Variants in NCALD observed in about 807,000 individuals in gnomAD.
NCALD encodes neurocalcin delta.
Under a neutral mutation model 18.6 loss-of-function variants are expected in NCALD, and 10 were observed. The ratio of observed to expected loss-of-function variants is 0.54; its 90% CI spans 0.33 to 0.91. The LOEUF (loss-of-function observed/expected upper bound fraction) is 0.91. Ranked by LOEUF, NCALD falls within the 40% of genes least tolerant of loss-of-function variation. The probability of loss-of-function intolerance (pLI) is 0.03; values close to 1 mark genes in which losing one functional copy is unlikely to be tolerated. For synonymous variants in NCALD, 88 were observed against 87.4 expected, an observed-to-expected ratio of 1.01 and a Z score of -0.04; for missense variants, 184 against 247.6, an observed-to-expected ratio of 0.74 and a Z score of 1.72.
intron 1 of NCALD, among the ~76,000 whole-genome samples, chr8:101,781,783 T>A (rs550115642): frequency 1.2e-4 from 19 of 152,228 alleles, no homozygotes; most frequent in African/African-American, 4.3e-4. Context: ...ACCCAGGGAT[T>A]TGTTTTCTAT....
At chr8:101,919,418 A>G (rs1291927725) in intron 2 of NCALD, among the ~76,000 whole-genome samples, 2 of 152,208 alleles carry the variant, frequency 1.3e-5, no homozygotes, top group African/African-American at 2.4e-5. Flanking sequence ...ACCTCAAACT[A>G]TAAGAATCCT....
At chr8:102,009,394 A>G (rs1270796388) in intron 2 of NCALD, among the ~76,000 whole-genome samples, 4 of 152,228 alleles carry the variant, frequency 2.6e-5, no homozygotes, top group Non-Finnish European at 5.9e-5. Context: ...CACAAAGTGG[A>G]CCTGCCATTT....
At chr8:101,933,565 T>C (rs997191829) in intron 2 of NCALD, among the ~76,000 whole-genome samples, 5 of 152,208 alleles carry the variant, frequency 3.3e-5, no homozygotes, top group African/African-American at 1.2e-4. Context: ...TGGTGATTTG[T>C]TACAGCAGCA....
At chr8:102,078,209 A>C (rs1824410576) in intron 1 of NCALD, among the ~76,000 whole-genome samples, 1 of 151,992 alleles carries the variant, frequency 6.6e-6, no homozygotes, top group Non-Finnish European at 1.5e-5. Flanking sequence ...CACCATGCCC[A>C]ACTCACCTAC....
intron 1 of NCALD, among the ~76,000 whole-genome samples, chr8:101,748,699 G>A (rs1386114961): frequency 6.6e-6 from 1 of 152,208 alleles, no homozygotes; most frequent in Non-Finnish European, 1.5e-5. Flanking sequence ...GATGAAGGAT[G>A]AGGCACAGAG....
chr8:101,920,730 A>T (rs1440141996), intron 2 of NCALD, among the ~76,000 whole-genome samples: 1 of 152,122 alleles, frequency 6.6e-6, no homozygotes, highest in Non-Finnish European at 1.5e-5. Context: ...CTACTAGAGG[A>T]GAGAGGGAGA....
chr8:102,079,435 T>C (rs890324135), intron 1 of NCALD, among the ~76,000 whole-genome samples: 5 of 152,192 alleles, frequency 3.3e-5, no homozygotes, highest in African/African-American at 1.2e-4. Context: ...TGACATCTGC[T>C]AGCACCTGGC....
At position 101,986,126 on chromosome 8, in the gene NCALD, G is replaced by T. The variant is rs550302669; in HGVS notation, c.-157+34111C>A. Reference sequence around the variant, plus strand: ...GCTCACTGCAACCTCCGCCTCCCAGGTTCAAGCGATTCTCCTGCCTCAGCC... The same window carrying T: ...GCTCACTGCAACCTCCGCCTCCCAGTTTCAAGCGATTCTCCTGCCTCAGCC... On this transcript the variant is annotated intron_variant, in intron 2 of 6. Coordinates refer to the NCALD transcript ENST00000311028. 6.6e-5 allele frequency among the ~76,000 whole-genome samples: 10 copies of T among 152,182 alleles called. No individual in the cohort carries two copies. The East Asian group carries it at 1.9e-3, about 29-fold the overall frequency.
chr8:101,843,303 C>A (rs962016327), intron 4 of NCALD, among the ~76,000 whole-genome samples: 1 of 152,172 alleles, frequency 6.6e-6, no homozygotes, highest in African/African-American at 2.4e-5. Flanking sequence ...GCTGTGGGAA[C>A]TTCTCAAAAA....
At chr8:101,741,290 T>G (rs1810172738) in intron 1 of NCALD, among the ~76,000 whole-genome samples, 1 of 152,236 alleles carries the variant, frequency 6.6e-6, no homozygotes, top group East Asian at 1.9e-4. Flanking sequence ...CTGAATAATG[T>G]GACTTCTGGC....
intron 2 of NCALD, among the ~76,000 whole-genome samples, chr8:101,986,954 G>A (rs924090095): frequency 6.6e-6 from 1 of 152,210 alleles, no homozygotes; most frequent in Admixed American, 6.5e-5. Context: ...TGCCCTGCTA[G>A]ATATGCTGGG....
chr8:102,053,707 T>C (rs1281649106), intron 1 of NCALD, among the ~76,000 whole-genome samples: 2 of 152,224 alleles, frequency 1.3e-5, no homozygotes, highest in Non-Finnish European at 2.9e-5. Context: ...AGTAATCTTT[T>C]AGGATTTCAA....
At chr8:101,695,202 C>T (rs1814934715) in intron 2 of NCALD, among the ~76,000 whole-genome samples, 2 of 152,166 alleles carry the variant, frequency 1.3e-5, no homozygotes, top group African/African-American at 4.8e-5. Flanking sequence ...TAAAGGAGAG[C>T]GCATGGAGCT....
intron 1 of NCALD, among the ~76,000 whole-genome samples, chr8:101,784,932 A>G (rs1326786816): frequency 6.6e-6 from 1 of 151,890 alleles, no homozygotes; most frequent in African/African-American, 2.4e-5. Context: ...CATCATTGAC[A>G]ACAAAACCAA....
intron 4 of NCALD, among the ~76,000 whole-genome samples, chr8:101,827,968 G>A (rs1008523752): frequency 7.2e-5 from 11 of 152,308 alleles, no homozygotes; most frequent in African/African-American, 2.6e-4. Flanking sequence ...GAGGCATTGT[G>A]GTAGGTGCTG....
chr8:101,887,963 G>T (rs754755631), intron 3 of NCALD, among the ~76,000 whole-genome samples: 1 of 152,108 alleles, frequency 6.6e-6, no homozygotes, highest in Non-Finnish European at 1.5e-5. Context: ...CCCTCCTGGC[G>T]CAATAAAAAT....
chr8:102,120,791 C>A (rs989760520), intron 1 of NCALD, among the ~76,000 whole-genome samples: 3 of 152,092 alleles, frequency 2.0e-5, no homozygotes, highest in Non-Finnish European at 4.4e-5. Context: ...CCATGTAAAC[C>A]AGGGCCACAT....
intron 1 of NCALD, among the ~76,000 whole-genome samples, chr8:102,024,597 A>G (rs879744429): frequency 6.6e-6 from 1 of 152,110 alleles, no homozygotes; most frequent in Non-Finnish European, 1.5e-5. Context: ...ACACCATTTA[A>G]TACTCCACTT....
chr8:101,704,994 G>T (rs1295453841), intron 2 of NCALD, among the ~76,000 whole-genome samples: 4 of 152,156 alleles, frequency 2.6e-5, no homozygotes, highest in Non-Finnish European at 4.4e-5. Context: ...GGGAGGCCGA[G>T]GTGGGCGGAT....
Sources: allele counts gnomAD v4.1 joint callset (sites outside exome capture counted in the v4.1 genomes callset), GRCh38; gene constraint gnomAD v4.1.1; transcripts MANE v1.5; gene names NCBI Gene and HGNC (gene_info 2026-07-23, HGNC 2026-07-21).